CSMD1: variants seen among roughly 807,000 people sequenced by gnomAD.
The protein encoded by CSMD1 is CUB and sushi domain-containing protein 1.
In CSMD1, 213 loss-of-function variants were observed where a neutral mutation model predicts 417.5. The ratio of observed to expected loss-of-function variants is 0.51; its 90% CI spans 0.46 to 0.57. CSMD1 has a LOEUF of 0.57. Ranked by LOEUF, CSMD1 falls within the 20% of genes least tolerant of loss-of-function variation. The pLI is 0.00. For synonymous variants in CSMD1, 2,862 were observed against 1,736.8 expected (o/e 1.65, Z -16.11); for missense variants, 6,923 against 4,529.7 (o/e 1.53, Z -15.17).
At chr8:3,790,439 T>G (rs1453387207) in intron 5 of CSMD1, among the ~76,000 whole-genome samples, 2 of 152,114 alleles carry the variant, frequency 1.3e-5, no homozygotes, top group African/African-American at 4.8e-5. Context: ...ATAATGATGG[T>G]GATGATGACA....
chr8:3,772,239 A>T (rs1392918541), intron 5 of CSMD1, among the ~76,000 whole-genome samples: 1 of 145,766 alleles, frequency 6.9e-6, no homozygotes, highest in African/African-American at 2.5e-5. Flanking sequence ...ACATATTTAT[A>T]TATAGATATA....
At position 4,074,281 on chromosome 8, in the gene CSMD1, G is replaced by A. The variant is rs543839418; in HGVS notation, c.416-42182C>T. Among the ~76,000 whole-genome samples, 14 of 151,986 alleles carry A rather than the reference G, an allele frequency of 9.2e-5. No homozygotes were observed. The East Asian group carries it at 2.5e-3, about 27-fold the overall frequency. ...TGTTTCATAAAGAAAGTCATGAAAC[G>A]GTGTCAGCTAAACAATGAAAGAAAA... On this transcript the variant is annotated intron_variant, in intron 3 of 69. Transcript: ENST00000635120.
In CSMD1 at chr8:4,492,962, AG is replaced by A. The variant is rs1420570142; in HGVS notation, c.303-72898del. 2.0e-5 allele frequency among the ~76,000 whole-genome samples: 3 copies of A among 152,232 alleles called. No homozygotes were observed. In the East Asian group the frequency reaches 5.8e-4, roughly 29 times the overall value. ...AAAACTCTTATTAAAAATTGATTTG[AG>A]TCTAGTTAAGTCTCAACACCCAATT... On this transcript the variant is annotated intron_variant, in intron 2 of 69. Transcript: ENST00000635120.
At chr8:3,806,502 G>T (rs1230123422) in intron 5 of CSMD1, among the ~76,000 whole-genome samples, 1 of 152,094 alleles carries the variant, frequency 6.6e-6, no homozygotes, top group Non-Finnish European at 1.5e-5. Flanking sequence ...AACCAACACA[G>T]AGCCACGGTG....
chr8:4,702,415 C>T (rs1807624368), intron 1 of CSMD1, among the ~76,000 whole-genome samples: 1 of 152,188 alleles, frequency 6.6e-6, no homozygotes, highest in Non-Finnish European at 1.5e-5. Flanking sequence ...TTGAAAACAA[C>T]CTTGAGTAAG....
intron 10 of CSMD1, among the ~76,000 whole-genome samples, chr8:3,499,861 C>T (rs1796522674): frequency 6.6e-6 from 1 of 152,044 alleles, no homozygotes; most frequent in Admixed American, 6.6e-5. Flanking sequence ...TTCTTCTGTC[C>T]TGAAAATGGC....
intron 5 of CSMD1, among the ~76,000 whole-genome samples, chr8:3,784,381 C>A (rs540842525): frequency 1.6e-4 from 24 of 152,260 alleles, no homozygotes; most frequent in Admixed American, 4.6e-4. Context: ...AGAAATCACA[C>A]GATTCTTCAG....
intron 7 of CSMD1, among the ~76,000 whole-genome samples, chr8:3,674,603 G>C (rs1357790570): frequency 6.6e-6 from 1 of 151,920 alleles, no homozygotes; most frequent in South Asian, 2.1e-4. Context: ...TATAACTCCA[G>C]ATTCTAGATA....
chr8:3,025,777 T>C (rs1585177631), intron 51 of CSMD1, among the ~76,000 whole-genome samples: 1 of 152,360 alleles, frequency 6.6e-6, no homozygotes, highest in East Asian at 1.9e-4. Context: ...TTTTGCTTTG[T>C]TTGAAAATGA....
chr8:4,341,716 G>GT (rs1563073582), intron 3 of CSMD1, among the ~76,000 whole-genome samples: 1 of 152,092 alleles, frequency 6.6e-6, no homozygotes, highest in Non-Finnish European at 1.5e-5. Flanking sequence ...TAGTCAATAT[G>GT]TTTTTTCAAC....
At chr8:4,077,303 A>ATG (rs951856623) in intron 3 of CSMD1, among the ~76,000 whole-genome samples, 1 of 81,548 alleles carries the variant, frequency 1.2e-5, no homozygotes, top group African/African-American at 3.1e-5. Flanking sequence ...ATGTGTATAT[A>ATG]TATATATATA....
chr8:4,698,330 T>G (rs750294681), intron 1 of CSMD1, among the ~76,000 whole-genome samples: 5 of 152,104 alleles, frequency 3.3e-5, no homozygotes, highest in Non-Finnish European at 7.4e-5. Context: ...CTCATGGAAC[T>G]TAAAGATGAT....
intron 3 of CSMD1, among the ~76,000 whole-genome samples, chr8:4,410,941 C>A (rs540524079): frequency 6.6e-6 from 1 of 152,140 alleles, no homozygotes; most frequent in African/African-American, 2.4e-5. Flanking sequence ...TAGATTTGTT[C>A]TAGTGGGACT....
chr8:4,746,040 G>A (rs1018238334), intron 1 of CSMD1, among the ~76,000 whole-genome samples: 1 of 152,204 alleles, frequency 6.6e-6, no homozygotes, highest in African/African-American at 2.4e-5. Flanking sequence ...ATGAAATTGA[G>A]TTTTTATTAA....
At chr8:4,868,328 G>A (rs548610172) in intron 1 of CSMD1, among the ~76,000 whole-genome samples, 6 of 151,976 alleles carry the variant, frequency 3.9e-5, no homozygotes, top group African/African-American at 1.5e-4. Flanking sequence ...CCATCCCCTG[G>A]GTTCGAGCGA....
intron 1 of CSMD1, among the ~76,000 whole-genome samples, chr8:4,815,982 C>G (rs1014497524): frequency 3.9e-5 from 6 of 151,936 alleles, no homozygotes; most frequent in African/African-American, 1.4e-4. Context: ...GAAAGGCATT[C>G]CAGAAATGAA....
At chr8:4,490,805 TC>T (rs1226332326) in intron 2 of CSMD1, among the ~76,000 whole-genome samples, 4 of 152,238 alleles carry the variant, frequency 2.6e-5, no homozygotes, top group Non-Finnish European at 5.9e-5. Context: ...TCTAGGTGTT[TC>T]TGTTTTCTCA....
chr8:4,910,442 A>T (rs1225371240), intron 1 of CSMD1, among the ~76,000 whole-genome samples: 1 of 152,210 alleles, frequency 6.6e-6, no homozygotes, highest in Non-Finnish European at 1.5e-5. Context: ...GTCCAGGATC[A>T]AGTTATTAGC....
At chr8:3,342,805 G>A (rs989196543) in intron 23 of CSMD1, among the ~76,000 whole-genome samples, 3 of 151,988 alleles carry the variant, frequency 2.0e-5, no homozygotes, top group Non-Finnish European at 4.4e-5. Flanking sequence ...AAAAATTAAT[G>A]GTGAAAAGAA....
Sources: gnomAD v4.1 joint callset for allele counts (sites outside exome capture counted in the v4.1 genomes callset) on GRCh38, gnomAD v4.1.1 for gene constraint, MANE v1.5 for transcripts, NCBI Gene and HGNC (gene_info 2026-07-23, HGNC 2026-07-21) for gene names.